Variants in WDR37 observed in about 807,000 individuals in gnomAD.
The protein encoded by WDR37 is WD repeat domain 37.
A neutral mutation model predicts 62.9 loss-of-function variants in WDR37; 19 were observed. The observed-to-expected ratio is 0.30, with a 90% CI of 0.21 to 0.44. The LOEUF is 0.44. Among genes scored for constraint, WDR37 ranks in the 20% least tolerant of loss-of-function variants. The pLI, the probability that WDR37 is intolerant of heterozygous loss-of-function variation, is 1.00. For missense variants in WDR37, 474 were observed against 657.6 expected (o/e 0.72, Z 3.05); for synonymous variants, 250 against 260.9 (o/e 0.96, Z 0.40).
At position 1,121,674 on chromosome 10, in the gene WDR37, C is replaced by T. The variant is rs749565444; in HGVS notation, c.1104-2544C>T. Among the ~76,000 whole-genome samples the T allele has an allele frequency of 3.1e-4, 47 of 152,290 alleles. No homozygotes were observed. Among genetic ancestry groups the T allele is most frequent in the Admixed American group, 1.8e-3 (28 of 15,298 alleles). ...TGTCACCCCTGGGGAGGGGTCTGCT[C>T]TAGTTTCTAATGTGCCTGGGCAGGG... On this transcript the variant is annotated intron_variant, in intron 11 of 13. Transcript: ENST00000263150. The surrounding 1 kb of genome is among the most constrained non-coding windows in gnomAD (Gnocchi z 4.5).
At chr10:1,097,983 A>T (rs912810563) in intron 9 of WDR37, among the ~76,000 whole-genome samples, 1 of 152,120 alleles carries the variant, frequency 6.6e-6, no homozygotes, top group African/African-American at 2.4e-5. Flanking sequence ...TTGGGACTTC[A>T]CACCTTAGCG....
intron 1 of WDR37, among the ~76,000 whole-genome samples, chr10:1,069,288 A>T (rs1309261701): frequency 6.6e-6 from 1 of 150,794 alleles, no homozygotes; most frequent in African/African-American, 2.4e-5. Flanking sequence ...TATCCAAAAG[A>T]AATGAGAACT....
At chr10:1,123,162 A>G (rs569449363) in intron 11 of WDR37, among the ~76,000 whole-genome samples, 2 of 152,218 alleles carry the variant, frequency 1.3e-5, no homozygotes, top group South Asian at 4.1e-4. Flanking sequence ...ATTAAAAAGA[A>G]AACTATTAAT....
chr10:1,093,521 A>C (rs769657940), intron 8 of WDR37, 25 bp downstream of exon 8: 1 of 1,580,302 alleles, frequency 6.3e-7, no homozygotes, highest in Non-Finnish European at 8.7e-7. Flanking sequence ...TTCTTTATTG[A>C]ACAAAATGAT....
intron 5 of WDR37, among the ~76,000 whole-genome samples, chr10:1,083,267 C>T (rs111693079): frequency 5.3e-5 from 8 of 152,312 alleles, no homozygotes; most frequent in African/African-American, 1.7e-4. Context: ...AGTGCTTTTG[C>T]AATTCCTCTG....
At chr10:1,126,276 G>T (rs572963945) in intron 13 of WDR37, among the ~76,000 whole-genome samples, 1 of 152,006 alleles carries the variant, frequency 6.6e-6, no homozygotes, top group South Asian at 2.1e-4. Context: ...CGTGGTGGCG[G>T]GCGTCTGTAG....
At chr10:1,067,731 A>G (rs1293758824) in intron 1 of WDR37, among the ~76,000 whole-genome samples, 1 of 152,190 alleles carries the variant, frequency 6.6e-6, no homozygotes, top group Non-Finnish European at 1.5e-5. Flanking sequence ...GGAACAGCTA[A>G]ATAAAAAAGT....
chr10:1,104,987 C>A, intron 10 of WDR37, 139 bp from the exon 11 acceptor site: 1 of 1,043,884 alleles, frequency 9.6e-7, no homozygotes. Flanking sequence ...CACTGTGACC[C>A]ACATGCTGCT....
At chr10:1,083,922 G>A (rs774964431) in intron 5 of WDR37, among the ~76,000 whole-genome samples, 12 of 152,326 alleles carry the variant, frequency 7.9e-5, no homozygotes, top group Non-Finnish European at 1.8e-4. Flanking sequence ...TTGATGATAC[G>A]TGGTTGGTGT....
At chr10:1,059,861 T>C (rs1184883163) in intron 1 of WDR37, among the ~76,000 whole-genome samples, 1 of 152,142 alleles carries the variant, frequency 6.6e-6, no homozygotes, top group Non-Finnish European at 1.5e-5. Flanking sequence ...ATTGATGCTG[T>C]TTAATATTAC....
intron 13 of WDR37, among the ~76,000 whole-genome samples, chr10:1,125,529 A>T (rs1015587404): frequency 6.6e-6 from 1 of 152,146 alleles, no homozygotes; most frequent in African/African-American, 2.4e-5. Context: ...TAATACCATG[A>T]TCGGCTTTTC....
At chr10:1,061,444 C>T (rs971600380) in intron 1 of WDR37, among the ~76,000 whole-genome samples, 3 of 152,162 alleles carry the variant, frequency 2.0e-5, no homozygotes, top group Non-Finnish European at 2.9e-5. Context: ...CATAACATGA[C>T]ACAAGTGGAA....
intron 2 of WDR37, among the ~76,000 whole-genome samples, chr10:1,076,866 G>A (rs1474254137): frequency 6.6e-6 from 1 of 151,182 alleles, no homozygotes; most frequent in East Asian, 1.9e-4. Context: ...CATGTGTGGT[G>A]GCGCACGCCT....
chr10:1,126,266 C>T (rs552024586), intron 13 of WDR37, among the ~76,000 whole-genome samples: 80 of 152,024 alleles, frequency 5.3e-4, no homozygotes, highest in East Asian at 1.7e-3. Context: ...ATCAGCCAGG[C>T]GTGGTGGCGG....
At chr10:1,081,975 A>G (rs1296749389) in intron 5 of WDR37, among the ~76,000 whole-genome samples, 7 of 152,228 alleles carry the variant, frequency 4.6e-5, no homozygotes, top group Admixed American at 4.6e-4. Context: ...GCTTTAAAAA[A>G]TGTATTAGAG....
intron 6 of WDR37, among the ~76,000 whole-genome samples, chr10:1,085,461 C>G (rs1834170710): frequency 6.6e-6 from 1 of 152,166 alleles, no homozygotes; most frequent in African/African-American, 2.4e-5. Flanking sequence ...ATCACAGGGG[C>G]AGAGTGTGGA....
chr10:1,100,090 G>A (rs959379403), intron 9 of WDR37, among the ~76,000 whole-genome samples: 2 of 152,236 alleles, frequency 1.3e-5, no homozygotes, highest in African/African-American at 4.8e-5. Flanking sequence ...TTCATGTCCA[G>A]TACTTACATT....
At chr10:1,110,107 G>A (rs1835163519) in intron 11 of WDR37, among the ~76,000 whole-genome samples, 1 of 152,192 alleles carries the variant, frequency 6.6e-6, no homozygotes, top group East Asian at 1.9e-4. Flanking sequence ...TCTTGTTGAT[G>A]TGTACATCCA....
intron 2 of WDR37, among the ~76,000 whole-genome samples, chr10:1,074,912 G>A (rs571681030): frequency 1.3e-5 from 2 of 152,376 alleles, no homozygotes; most frequent in East Asian, 1.9e-4. Context: ...TGCACACAGT[G>A]CTGGCTGCGG....
Sources: gnomAD v4.1 joint callset for allele counts (sites outside exome capture counted in the v4.1 genomes callset) on GRCh38, gnomAD v4.1.1 for gene constraint, Gnocchi (gnomAD v3.1) non-coding constraint, MANE v1.5 for transcripts, NCBI Gene and HGNC (gene_info 2026-07-23, HGNC 2026-07-21) for gene names.